Variants in DDC observed in about 807,000 individuals in gnomAD.
DDC encodes the protein aromatic-L-amino-acid decarboxylase.
A neutral mutation model predicts 60.0 loss-of-function variants in DDC; 43 were observed. That is an observed-to-expected ratio of 0.72 (90% CI 0.56 to 0.92). The LOEUF is 0.92. Among genes scored for constraint, DDC ranks in the 40% least tolerant of loss-of-function variants. The probability of loss-of-function intolerance (pLI) is 0.00; values close to 1 mark genes in which losing one functional copy is unlikely to be tolerated. For missense variants in DDC, 573 were observed against 620.2 expected, an observed-to-expected ratio of 0.92 and a Z score of 0.81; for synonymous variants, 232 against 234.6, an observed-to-expected ratio of 0.99 and a Z score of 0.10.
intron 2 of DDC, chr7:50,541,493 G>A (rs2044629102): frequency 6.6e-6 from 1 of 152,256 alleles, no homozygotes; most frequent in Admixed American, 6.5e-5. Flanking sequence ...GAGGTGATTA[G>A]GGCATGAGGG....
At chr7:50,519,366 T>G (rs897810692) in intron 6 of DDC, among the ~76,000 whole-genome samples, 85 of 152,314 alleles carry the variant, frequency 5.6e-4, no homozygotes, top group African/African-American at 2.0e-3. Context: ...AGAACTACCA[T>G]TTGATCCAGC....
At chr7:50,503,139 C>G (rs1487681107) in intron 7 of DDC, among the ~76,000 whole-genome samples, 1 of 152,268 alleles carries the variant, frequency 6.6e-6, no homozygotes, top group African/African-American at 2.4e-5. Context: ...AGCCAATTCC[C>G]TGGTAGCTGT....
chr7:50,557,722 T>A (rs190454752), intron 1 of DDC, among the ~76,000 whole-genome samples: 1 of 152,198 alleles, frequency 6.6e-6, no homozygotes, highest in African/African-American at 2.4e-5. Context: ...CACCCCACCA[T>A]CACCATATAG....
At chr7:50,551,480 G>T (rs755445238) in intron 1 of DDC, among the ~76,000 whole-genome samples, 3 of 152,002 alleles carry the variant, frequency 2.0e-5, no homozygotes, top group Non-Finnish European at 2.9e-5. Context: ...TGATCCACCC[G>T]CCTCAGCCTC....
At chr7:50,514,355 T>C (rs184033894) in intron 6 of DDC, among the ~76,000 whole-genome samples, 1 of 152,246 alleles carries the variant, frequency 6.6e-6, no homozygotes, top group East Asian at 1.9e-4. Flanking sequence ...ATATTCCCCC[T>C]GACAGAGCCT....
At chr7:50,501,422 G>A (rs901925596) in intron 7 of DDC, among the ~76,000 whole-genome samples, 1 of 152,136 alleles carries the variant, frequency 6.6e-6, no homozygotes, top group Non-Finnish European at 1.5e-5. Flanking sequence ...AGTAAAACCT[G>A]CCAGACAACT....
At chr7:50,549,197 A>G (rs2044901598) in intron 1 of DDC, among the ~76,000 whole-genome samples, 1 of 152,238 alleles carries the variant, frequency 6.6e-6, no homozygotes, top group Non-Finnish European at 1.5e-5. Context: ...CTCGACATCC[A>G]TTCTACAGTC....
At chr7:50,494,457 T>C (rs1256595597) in intron 9 of DDC, among the ~76,000 whole-genome samples, 1 of 151,606 alleles carries the variant, frequency 6.6e-6, no homozygotes, top group African/African-American at 2.4e-5. Context: ...TGAGCCAAGA[T>C]TGCACCACTG....
intron 1 of DDC, among the ~76,000 whole-genome samples, chr7:50,547,488 A>AT (rs1483237474): frequency 6.6e-6 from 1 of 152,132 alleles, no homozygotes; most frequent in Non-Finnish European, 1.5e-5. Context: ...AAGTGCTGGG[A>AT]TTGCAGGCAT....
At chr7:50,460,774 A>G (rs998796064) in intron 14 of DDC, among the ~76,000 whole-genome samples, 3 of 151,896 alleles carry the variant, frequency 2.0e-5, no homozygotes, top group Admixed American at 6.5e-5. Context: ...TCTCTGAAAC[A>G]TGTGCTGTGT....
intron 6 of DDC, among the ~76,000 whole-genome samples, chr7:50,506,692 C>T (rs2043407741): frequency 6.6e-6 from 1 of 152,236 alleles, no homozygotes; most frequent in African/African-American, 2.4e-5. Flanking sequence ...GAGACCTGGG[C>T]TGGAGGCCCA....
intron 6 of DDC, among the ~76,000 whole-genome samples, chr7:50,527,095 C>G (rs2044058584): frequency 6.6e-6 from 1 of 152,100 alleles, no homozygotes; most frequent in Non-Finnish European, 1.5e-5. Context: ...GTTTTGTGTT[C>G]TTAGTTTTTT....
intron 14 of DDC, among the ~76,000 whole-genome samples, chr7:50,462,917 A>T (rs1045774276): frequency 5.3e-5 from 8 of 151,992 alleles, no homozygotes; most frequent in Admixed American, 2.6e-4. Context: ...TTACAGGTGC[A>T]TGCCACCACG....
At chr7:50,513,526 G>T (rs2043643439) in intron 6 of DDC, among the ~76,000 whole-genome samples, 6 of 152,136 alleles carry the variant, frequency 3.9e-5, no homozygotes, top group Admixed American at 3.9e-4. Flanking sequence ...TCCAGAGGGA[G>T]GGGAAAAACC....
chr7:50,516,745 A>G (rs1336965907), intron 6 of DDC, among the ~76,000 whole-genome samples: 2 of 152,192 alleles, frequency 1.3e-5, no homozygotes, highest in African/African-American at 4.8e-5. Flanking sequence ...GAAACAGGAG[A>G]TATTACAAGT....
intron 6 of DDC, among the ~76,000 whole-genome samples, chr7:50,519,134 A>T (rs1367587090): frequency 8.4e-5 from 1 of 11,880 alleles, no homozygotes; most frequent in African/African-American, 3.1e-4. Flanking sequence ...ACAAACATAT[A>T]AAAAAAATGC....
At chr7:50,497,553 A>C (rs1466155427) in intron 8 of DDC, among the ~76,000 whole-genome samples, 3 of 152,264 alleles carry the variant, frequency 2.0e-5, no homozygotes, top group East Asian at 3.9e-4. Flanking sequence ...CAAATAATGG[A>C]GATTATCTCC....
chr7:50,460,408 T>TG (rs555366514), intron 14 of DDC, among the ~76,000 whole-genome samples: 54 of 141,196 alleles, frequency 3.8e-4, no homozygotes, highest in East Asian at 6.5e-4. Flanking sequence ...GGGAGGAAGG[T>TG]GGGGGGGTCA....
intron 10 of DDC, among the ~76,000 whole-genome samples, chr7:50,476,920 A>T (rs1444643322): frequency 6.6e-6 from 1 of 152,242 alleles, no homozygotes; most frequent in Non-Finnish European, 1.5e-5. Flanking sequence ...TAGCATGAAC[A>T]TCTGAGGTTT....
Sources: gnomAD v4.1 joint callset for allele counts (sites outside exome capture counted in the v4.1 genomes callset) on GRCh38, gnomAD v4.1.1 for gene constraint, MANE v1.5 for transcripts, NCBI Gene and HGNC (gene_info 2026-07-23, HGNC 2026-07-21) for gene names.